Variants in TAS2R30 observed in about 807,000 individuals in gnomAD.
TAS2R30 encodes the protein taste receptor type 2 member 30.
For synonymous variants in TAS2R30, 141 were observed against 131.6 expected, an observed-to-expected ratio of 1.07 and a Z score of -0.49; for missense variants, 395 against 371.6, an observed-to-expected ratio of 1.06 and a Z score of -0.52.
exon 1 of TAS2R30, chr12:11,133,644 A>T: frequency 1.2e-6 from 2 of 1,614,252 alleles, no homozygotes; most frequent in Non-Finnish European, 1.7e-6. Context: ...TTACACAGAG[A>T]ACAGATTAAC....
chr12:11,133,845 A>G, exon 1 of TAS2R30: 3 of 1,614,188 alleles, frequency 1.9e-6, no homozygotes, highest in Non-Finnish European at 2.5e-6. Context: ...AAAGGCCCCA[A>G]CAGTATCACC....
chr12:11,134,028 G>C, exon 1 of TAS2R30: 2 of 1,614,056 alleles, frequency 1.2e-6, no homozygotes, highest in Non-Finnish European at 1.7e-6. Context: ...TAAAAAGCTG[G>C]ATTCAACTGA....
At chr12:11,132,981 A>C (rs72477460) in exon 1 of TAS2R30, 18,996 of 288,134 alleles carry the variant, frequency 0.066, 1,041 homozygotes, top group South Asian at 0.24. Flanking sequence ...TATAAATTCT[A>C]CAAATGAAAT....
chr12:11,133,588 G>A (rs373741197), exon 1 of TAS2R30: 6 of 1,614,126 alleles, frequency 3.7e-6, no homozygotes, highest in Non-Finnish European at 5.1e-6. Flanking sequence ...CCTTGGTGCT[G>A]GGATCTTGAG....
exon 1 of TAS2R30, chr12:11,134,100 T>A: frequency 6.2e-7 from 1 of 1,614,134 alleles, no homozygotes; most frequent in East Asian, 2.2e-5. Context: ...GCCAGAGCAG[T>A]GAGAATTTGG....
At position 11,133,361 on chromosome 12, in the gene TAS2R30, C is replaced by T. The variant is rs772868082; in HGVS notation, c.884G>A (p.Arg295Gln). The change falls in exon 1 of 1, where the codon CGG becomes CAG. Residue 295 changes from arginine (R) to glutamine (Q), a missense_variant. Physicochemically the swap from Arg to Gln is conservative, Grantham distance 43. Transcript: ENST00000539585. ...GTCTTTCACCCAGTACCTCACATGC[C>T]GCAAAACTGAAAGAAAAATCTGCTT... is the stretch of plus-strand genomic sequence containing the variant. 1.1e-5 allele frequency: 17 copies of T among 1,613,740 alleles called. No homozygotes were observed. In the East Asian group the frequency reaches 1.1e-4, roughly 11 times the overall value.
exon 1 of TAS2R30, chr12:11,133,843 C>T: frequency 6.2e-7 from 1 of 1,614,108 alleles, no homozygotes; most frequent in Non-Finnish European, 8.5e-7. Flanking sequence ...GCAAAGGCCC[C>T]AACAGTATCA....
chr12:11,133,604 TTGCCA>T, the TAS2R30 span: 1 of 1,614,162 alleles, frequency 6.2e-7, no homozygotes. Context: ...TTGAGATCCT[TTGCCA>T]TGGAGCTGCA....
chr12:11,134,011 T>C, exon 1 of TAS2R30: 2 of 1,614,118 alleles, frequency 1.2e-6, no homozygotes, highest in Admixed American at 1.7e-5. Context: ...TTCTTACTTC[T>C]ACACTATAAA....
At chr12:11,133,541 A>C (rs1430006496) in exon 1 of TAS2R30, 1 of 1,614,210 alleles carries the variant, frequency 6.2e-7, no homozygotes. Flanking sequence ...ACATAACAGA[A>C]GAAAGGAGGT....
Position 11,134,361 on chromosome 12 carries a change from T to C in TAS2R30, c.-117A>G, listed in dbSNP as rs1414257866. On this transcript the variant is annotated 5_prime_UTR_variant, in exon 1 of 1. The change abolishes an upstream ATG in the 5' untranslated region. Transcript: ENST00000539585. ...CCTGATTTGTGTATGTGCTGTGACA[T>C]TCTTTTTACTTTTAATTGCTGTGAC... 3 of 1,190,980 alleles carry C rather than the reference T, an allele frequency of 2.5e-6. No homozygotes were observed. The highest frequency in any genetic ancestry group is 2.9e-5 in the Admixed American group (1 of 34,322). 73.8% of individuals were successfully genotyped at this position (1,190,980 alleles called of 1,614,324 possible). A position where few individuals can be genotyped will look rare whatever the true frequency, so the allele number is the denominator to read the frequency against.
exon 1 of TAS2R30, chr12:11,133,894 A>G: frequency 6.2e-7 from 1 of 1,614,154 alleles, no homozygotes; most frequent in East Asian, 2.2e-5. Flanking sequence ...TGCGAAGAAA[A>G]ATAAGGTTGG....
At chr12:11,134,436 C>G in exon 1 of TAS2R30, 1 of 656,248 alleles carries the variant, frequency 1.5e-6, no homozygotes, top group South Asian at 2.5e-5. Flanking sequence ...AAGTTCAATG[C>G]TCTCTTTATG....
exon 1 of TAS2R30, chr12:11,134,008 T>G: frequency 6.2e-7 from 1 of 1,614,116 alleles, no homozygotes; most frequent in Non-Finnish European, 8.5e-7. Context: ...TAATTCTTAC[T>G]TCTACACTAT....
exon 1 of TAS2R30, chr12:11,134,428 G>A: frequency 1.5e-6 from 1 of 686,072 alleles, no homozygotes; most frequent in African/African-American, 1.8e-5. Context: ...TAATGGATAA[G>A]TTCAATGCTC....
exon 1 of TAS2R30, chr12:11,133,944 T>A (rs1204681993): frequency 6.2e-7 from 1 of 1,614,128 alleles, no homozygotes; most frequent in Non-Finnish European, 8.5e-7. Context: ...ATGCTGAGGC[T>A]AGTAGCAAGC....
chr12:11,133,172 CTT>C, exon 1 of TAS2R30: 2 of 1,308,866 alleles, frequency 1.5e-6, no homozygotes, highest in South Asian at 3.3e-5. Context: ...TCTAGACTAA[CTT>C]TAGGTAAAAG....
exon 1 of TAS2R30, chr12:11,134,550 A>G (rs1294794978): frequency 2.2e-5 from 7 of 322,302 alleles, no homozygotes; most frequent in Non-Finnish European, 2.8e-5. Flanking sequence ...ATGAAACCTG[A>G]ATTCTCATTT....
exon 1 of TAS2R30, chr12:11,134,136 T>C: frequency 6.2e-7 from 1 of 1,614,128 alleles, no homozygotes; most frequent in Non-Finnish European, 8.5e-7. Context: ...TTTTGTCTCT[T>C]GACCCACTCA....
Sources: allele counts gnomAD v4.1 joint callset, GRCh38; gene constraint gnomAD v4.1.1; transcripts MANE v1.5; gene names NCBI Gene and HGNC (gene_info 2026-07-23, HGNC 2026-07-21).